DGKB: variants seen among roughly 807,000 people sequenced by gnomAD.
The protein encoded by DGKB is 90 kDa diacylglycerol kinase.
In DGKB, 67 loss-of-function variants were observed where a neutral mutation model predicts 114.3. The observed-to-expected ratio is 0.59, with a 90% CI of 0.48 to 0.72. The LOEUF (loss-of-function observed/expected upper bound fraction) is 0.72. Ranked by LOEUF, DGKB falls within the 30% of genes least tolerant of loss-of-function variation. DGKB has a pLI of 0.00. For synonymous variants in DGKB, 398 were observed against 323.1 expected (o/e 1.23, Z -2.49); for missense variants, 907 against 975.2 (o/e 0.93, Z 0.93).
At chr7:14,153,379 G>A (rs1329954309) in intron 25 of DGKB, among the ~76,000 whole-genome samples, 1 of 152,014 alleles carries the variant, frequency 6.6e-6, no homozygotes, top group Non-Finnish European at 1.5e-5. Context: ...TCTTGTACCT[G>A]CTATTGAAAT....
chr7:14,458,012 G>T (rs1158091348), intron 21 of DGKB, among the ~76,000 whole-genome samples: 3 of 152,162 alleles, frequency 2.0e-5, no homozygotes, highest in East Asian at 1.9e-4. Context: ...GTGCATGTGG[G>T]CTAGCGCCCT....
intron 21 of DGKB, among the ~76,000 whole-genome samples, chr7:14,428,270 T>C (rs1827885596): frequency 6.6e-6 from 1 of 152,072 alleles, no homozygotes; most frequent in African/African-American, 2.4e-5. Flanking sequence ...AGCCCCTTAT[T>C]ACTCTCATCA....
At chr7:14,654,437 AAT>A (rs1388290957) in intron 13 of DGKB, among the ~76,000 whole-genome samples, 2 of 152,096 alleles carry the variant, frequency 1.3e-5, no homozygotes, top group Non-Finnish European at 2.9e-5. Flanking sequence ...TAGAACAGTT[AAT>A]ATTGTCAAAA....
At chr7:14,264,080 T>C (rs1182966301) in intron 23 of DGKB, among the ~76,000 whole-genome samples, 1 of 151,926 alleles carries the variant, frequency 6.6e-6, no homozygotes, top group Non-Finnish European at 1.5e-5. Context: ...ACAGGTAGAG[T>C]CACAGAGCTC....
rs1334906607 is a variant in DGKB, at chr7:14,640,316, A to C, written c.1135-10048T>G. Among the ~76,000 whole-genome samples the C allele has an allele frequency of 2.0e-5, 3 of 152,220 alleles. No individual in the cohort carries two copies. The East Asian group carries it at 5.8e-4, about 29-fold the overall frequency. ...GGCAGAGAATACTAGAATGAAAGAA[A>C]TCTGAAAGAATATACGCATTGGGTG... On this transcript the variant is annotated intron_variant, in intron 13 of 25. Coordinates refer to ENST00000402815, the MANE Select transcript of DGKB (RefSeq NM_001350709.2).
intron 2 of DGKB, among the ~76,000 whole-genome samples, chr7:14,758,096 T>C (rs532426606): frequency 3.9e-5 from 6 of 152,234 alleles, no homozygotes; most frequent in Admixed American, 6.5e-5. Context: ...ACTTTAGTAA[T>C]TAAAGTTTTA....
chr7:14,528,728 T>C (rs1791055605), intron 20 of DGKB, among the ~76,000 whole-genome samples: 1 of 152,110 alleles, frequency 6.6e-6, no homozygotes, highest in South Asian at 2.1e-4. Context: ...ATTACATGAT[T>C]CATTAGAGCA....
intron 1 of DGKB, among the ~76,000 whole-genome samples, chr7:14,900,839 G>C (rs1232233267): frequency 6.6e-6 from 1 of 152,036 alleles, no homozygotes; most frequent in Non-Finnish European, 1.5e-5. Context: ...TTTTATCAGT[G>C]CTCTTAACCT....
chr7:14,927,171 T>C (rs547728509), intron 1 of DGKB, among the ~76,000 whole-genome samples: 1 of 152,078 alleles, frequency 6.6e-6, no homozygotes, highest in Non-Finnish European at 1.5e-5. Context: ...TCTATATAAA[T>C]GATGATTTAG....
chr7:14,683,588 A>G (rs776374557), intron 10 of DGKB, among the ~76,000 whole-genome samples: 2 of 152,142 alleles, frequency 1.3e-5, no homozygotes, highest in Non-Finnish European at 2.9e-5. Context: ...TTTAGGGTCA[A>G]CTACATGTGT....
intron 4 of DGKB, among the ~76,000 whole-genome samples, chr7:14,747,771 A>ACGCGCGCGCG (rs1344297768): frequency 2.8e-3 from 258 of 92,110 alleles, no homozygotes; most frequent in African/African-American, 0.018. Flanking sequence ...AAACACATCC[A>ACGCGCGCGCG]CGCGCACGCA....
chr7:14,435,499 T>C (rs1389563936), intron 21 of DGKB, among the ~76,000 whole-genome samples: 2 of 152,260 alleles, frequency 1.3e-5, no homozygotes, highest in South Asian at 2.1e-4. Flanking sequence ...AACAGAGTTA[T>C]GTGAGTATAG....
At chr7:14,957,684 T>C (rs1786590888) in intron 1 of DGKB, among the ~76,000 whole-genome samples, 1 of 152,128 alleles carries the variant, frequency 6.6e-6, no homozygotes, top group Non-Finnish European at 1.5e-5. Flanking sequence ...TGTGTAACCA[T>C]GCCTATGTCT....
At chr7:14,511,261 C>T (rs1371934914) in intron 20 of DGKB, among the ~76,000 whole-genome samples, 1 of 152,152 alleles carries the variant, frequency 6.6e-6, no homozygotes, top group Non-Finnish European at 1.5e-5. Context: ...GCTTAGTGTA[C>T]ACCTTCATCA....
intron 23 of DGKB, among the ~76,000 whole-genome samples, chr7:14,228,071 C>T (rs372658906): frequency 4.6e-5 from 7 of 151,972 alleles, no homozygotes; most frequent in African/African-American, 1.7e-4. Flanking sequence ...GAACTCAATT[C>T]CAGAATCATG....
chr7:14,653,505 T>A (rs1463299863), intron 13 of DGKB, among the ~76,000 whole-genome samples: 1 of 142,780 alleles, frequency 7.0e-6, no homozygotes, highest in African/African-American at 2.6e-5. Context: ...GGGACTGTTG[T>A]GGGGTGGGGG....
rs144639889 is a variant in DGKB at position 14,478,755 on chromosome 7, A to T, written c.1771-530T>A. 2.0e-5 allele frequency among the ~76,000 whole-genome samples: 3 copies of T among 152,190 alleles called. No homozygotes were observed. In the East Asian group the frequency reaches 5.8e-4, roughly 29 times the overall value. On this transcript the variant is annotated intron_variant, in intron 20 of 25. Coordinates refer to ENST00000402815, the MANE Select transcript of DGKB (RefSeq NM_001350709.2). ...GCTCAGGTTGTCTTGATGTGTAATT[A>T]ATAACAGTTTGGACCACAAGCAACT...
At chr7:14,227,784 G>A (rs1288182346) in intron 23 of DGKB, among the ~76,000 whole-genome samples, 1 of 151,828 alleles carries the variant, frequency 6.6e-6, no homozygotes, top group Non-Finnish European at 1.5e-5. Context: ...AAAAGCAGCA[G>A]GCAAAATGAG....
At chr7:14,724,917 C>G (rs1829789841) in intron 5 of DGKB, among the ~76,000 whole-genome samples, 1 of 152,136 alleles carries the variant, frequency 6.6e-6, no homozygotes, top group South Asian at 2.1e-4. Context: ...CACCTGTAAT[C>G]CTAGTGTTTT....
Sources: gnomAD v4.1 joint callset for allele counts (sites outside exome capture counted in the v4.1 genomes callset) on GRCh38, gnomAD v4.1.1 for gene constraint, MANE v1.5 for transcripts, NCBI Gene and HGNC (gene_info 2026-07-23, HGNC 2026-07-21) for gene names.